The following SCN3A variants were observed in gnomAD, a reference collection of about 807,000 sequenced individuals.
The protein encoded by SCN3A is sodium voltage-gated channel alpha subunit 3.
Under a neutral mutation model 187.6 loss-of-function variants are expected in SCN3A, and 60 were observed. The ratio of observed to expected loss-of-function variants is 0.32; its 90% CI spans 0.26 to 0.40. The LOEUF is 0.40. SCN3A is among the 10% of genes least tolerant of loss of function. The pLI is 1.00. For synonymous variants in SCN3A, 788 were observed against 829.2 expected (o/e 0.95, Z 0.85); for missense variants, 1,601 against 2,428.2 (o/e 0.66, Z 7.16).
chr2:165,142,623 G>C (rs1029798957), intron 12 of SCN3A, among the ~76,000 whole-genome samples: 1 of 152,148 alleles, frequency 6.6e-6, no homozygotes, highest in African/African-American at 2.4e-5. Flanking sequence ...ATCATGTGAA[G>C]ACATCAATTC....
intron 5 of SCN3A, among the ~76,000 whole-genome samples, chr2:165,165,701 T>C (rs1449569813): frequency 1.3e-5 from 2 of 152,222 alleles, no homozygotes; most frequent in Non-Finnish European, 2.9e-5. Context: ...TTAAATTCAT[T>C]AGATTTTTCA....
At chr2:165,196,992 C>T (rs1029370130) in intron 1 of SCN3A, among the ~76,000 whole-genome samples, 1 of 152,054 alleles carries the variant, frequency 6.6e-6, no homozygotes, top group Non-Finnish European at 1.5e-5. Context: ...TATGGATGCT[C>T]AGCTCCAAAT....
chr2:165,121,758 G>A (rs148957283), intron 18 of SCN3A, among the ~76,000 whole-genome samples: 1 of 152,026 alleles, frequency 6.6e-6, no homozygotes, highest in Non-Finnish European at 1.5e-5. Flanking sequence ...CCCAGAACCC[G>A]CACTCTGGCT....
rs1407349184 is a variant in SCN3A, at chr2:165,140,423, C to G, written c.2019+228G>C. The stretch of plus-strand genomic sequence containing the variant: ...ACTCTAAAAACGGGGCCCTTTTAAC[C>G]TAAAGCCATGGTCCCTTACAAGTAA... On this transcript the variant is annotated intron_variant, in intron 13 of 27. Coordinates refer to ENST00000283254, the MANE Select transcript of SCN3A (RefSeq NM_006922.4). This position sits in a 1 kb window ranked among gnomAD's most constrained non-coding sequence, Gnocchi z 4.2. 2.0e-5 allele frequency among the ~76,000 whole-genome samples: 3 copies of G among 152,086 alleles called. No homozygotes were observed. The highest frequency in any genetic ancestry group is 4.2e-4 in the South Asian group (2 of 4,796).
intron 15 of SCN3A, among the ~76,000 whole-genome samples, chr2:165,132,560 G>C (rs1284165665): frequency 6.6e-6 from 1 of 152,164 alleles, no homozygotes; most frequent in African/African-American, 2.4e-5. Context: ...AATGGTGCTG[G>C]GAAAACTGGC....
At chr2:165,198,173 T>C (rs1268897794) in intron 1 of SCN3A, among the ~76,000 whole-genome samples, 2 of 148,958 alleles carry the variant, frequency 1.3e-5, no homozygotes, top group African/African-American at 5.0e-5. Context: ...CAACAGAAAA[T>C]AGCAATAGAA....
chr2:165,094,452 T>C lies in SCN3A; in HGVS notation c.4458A>G (p.Thr1486=). 6.2e-7 allele frequency: 1 copy of C among 1,613,506 alleles called. No individual in the cohort carries two copies. The highest frequency in any genetic ancestry group is 1.1e-5 in the South Asian group (1 of 91,052). The part of the protein sequence containing the change: ...KKFGGQDIFM[T]EEQKKYYNAM... ...CATTGTAATATTTTTTCTGTTCCTC[T>C]GTCATAAAGATGTCTTGACCTCCAA... The change falls in exon 26 of 28, where the codon ACA becomes ACG. Residue 1486 remains threonine, a synonymous_variant. Coordinates refer to ENST00000283254, the MANE Select transcript of SCN3A (RefSeq NM_006922.4).
chr2:165,189,236 C>G (rs1039932474), intron 1 of SCN3A, among the ~76,000 whole-genome samples: 2 of 152,106 alleles, frequency 1.3e-5, no homozygotes, highest in African/African-American at 4.8e-5. Context: ...GGACATGAGG[C>G]AACATGCTCA....
In SCN3A at chr2:165,092,413, G is replaced by A; in HGVS notation, c.4648C>T (p.Gln1550Ter). ...MVTMMVETDD[Q>*]GKYMTLVLSR... ...AAAACTAGGGTCATGTATTTGCCCTGGTCATCCGTTTCCACCATCATGGTG... is the reference window on the plus strand; with the variant it reads ...AAAACTAGGGTCATGTATTTGCCCTAGTCATCCGTTTCCACCATCATGGTG... The change falls in exon 27 of 28, where the codon CAG becomes TAG. Residue 1550 changes from glutamine to a stop codon, truncating the protein, a stop_gained. Coordinates refer to ENST00000283254, the MANE Select transcript of SCN3A (RefSeq NM_006922.4). LOFTEE classifies it high-confidence loss of function. This position sits in a 1 kb window ranked among gnomAD's most constrained non-coding sequence, Gnocchi z 4.2. 6.2e-7 allele frequency: 1 copy of A among 1,613,888 alleles called. No individual in the cohort carries two copies.
At position 165,089,090 on chromosome 2, in the gene SCN3A, G is replaced by T. The variant is rs2105611160; in HGVS notation, c.*1060C>A. On this transcript the variant is annotated 3_prime_UTR_variant, in exon 28 of 28. Coordinates refer to ENST00000283254, the MANE Select transcript of SCN3A (RefSeq NM_006922.4). ...GCATTAGTGATAGCCTTTAAACTATGTTTAATGAATGATACAGGATACATC... is the reference window on the plus strand; with the variant it reads ...GCATTAGTGATAGCCTTTAAACTATTTTTAATGAATGATACAGGATACATC... 6.6e-6 allele frequency: 1 copy of T among 152,642 alleles called. No individual in the cohort carries two copies. The highest frequency in any genetic ancestry group is 2.4e-5 in the African/African-American group (1 of 41,558). The allele number at this position is 152,642 out of a possible 1,614,324, so 9.5% of individuals were successfully genotyped here. A position where few individuals can be genotyped will look rare whatever the true frequency, so the allele number is the denominator to read the frequency against.
intron 12 of SCN3A, among the ~76,000 whole-genome samples, chr2:165,142,654 T>A (rs745863352): frequency 4.6e-4 from 70 of 152,152 alleles, no homozygotes; most frequent in Non-Finnish European, 8.1e-4. Context: ...TAATAAAGAA[T>A]GCTAATGTTT....
chr2:165,095,429 G>A (rs1685320863), intron 25 of SCN3A, 82 bp downstream of exon 25: 2 of 1,376,672 alleles, frequency 1.5e-6, no homozygotes, highest in African/African-American at 1.4e-5. Flanking sequence ...AGTCTGTCAT[G>A]ACCACAGGTA....
rs375327196 is a variant in SCN3A at position 165,163,606 on chromosome 2, C to G, written c.694+12G>C. The G allele has an allele frequency of 1.2e-6, 2 of 1,613,690 alleles. No individual in the cohort carries two copies. The highest frequency in any genetic ancestry group is 1.7e-6 in the Non-Finnish European group (2 of 1,179,866). ...AATTAAAGTCAACCTCGGTGTTTAA[C>G]CTAGCTCTCACCTGGAATGACTGAA... On this transcript the variant is annotated intron_variant, in intron 7 of 27. Coordinates refer to ENST00000283254, the MANE Select transcript of SCN3A (RefSeq NM_006922.4).
At chr2:165,129,203 C>T (rs1212251805) in intron 17 of SCN3A, among the ~76,000 whole-genome samples, 1 of 152,178 alleles carries the variant, frequency 6.6e-6, no homozygotes, top group Non-Finnish European at 1.5e-5. Context: ...TAAAGAAATG[C>T]TTTGCCCACG....
intron 11 of SCN3A, among the ~76,000 whole-genome samples, chr2:165,152,172 G>T (rs1224899414): frequency 6.6e-6 from 1 of 152,152 alleles, no homozygotes; most frequent in Admixed American, 6.5e-5. Context: ...ACATAAAACT[G>T]CAGGAATATG....
chr2:165,150,055 T>C (rs1423465498), intron 11 of SCN3A, among the ~76,000 whole-genome samples: 2 of 152,190 alleles, frequency 1.3e-5, no homozygotes, highest in African/African-American at 4.8e-5. Context: ...TACTCCCAAA[T>C]TTTTTCCTAT....
chr2:165,154,139 A>T (rs1343708945), intron 11 of SCN3A, among the ~76,000 whole-genome samples: 2 of 151,864 alleles, frequency 1.3e-5, no homozygotes, highest in African/African-American at 4.8e-5. Context: ...AATTGGAAAT[A>T]TCAGTTTTAT....
At chr2:165,105,824 A>C (rs1247959821) in intron 21 of SCN3A, among the ~76,000 whole-genome samples, 2 of 152,020 alleles carry the variant, frequency 1.3e-5, no homozygotes, top group East Asian at 3.9e-4. Context: ...TGATTGCACC[A>C]CTGCACTCCA....
chr2:165,133,664 T>C (rs1216476487), intron 15 of SCN3A, among the ~76,000 whole-genome samples: 1 of 151,976 alleles, frequency 6.6e-6, no homozygotes, highest in Non-Finnish European at 1.5e-5. Context: ...TTTTTTTTTT[T>C]TTCCTCTAGG....
Sources: gnomAD v4.1 joint callset for allele counts (sites outside exome capture counted in the v4.1 genomes callset) on GRCh38, gnomAD v4.1.1 for gene constraint, Gnocchi (gnomAD v3.1) non-coding constraint, MANE v1.5 for transcripts, NCBI Gene and HGNC (gene_info 2026-07-23, HGNC 2026-07-21) for gene names.